CPEB2: variants seen among roughly 807,000 people sequenced by gnomAD.
CPEB2 encodes cytoplasmic polyadenylation element-binding protein 2.
A neutral mutation model predicts 93.6 loss-of-function variants in CPEB2; 56 were observed. That is an observed-to-expected ratio of 0.60 (90% confidence interval 0.48 to 0.75). The LOEUF is 0.75. Ranked by LOEUF, CPEB2 falls within the 30% of genes least tolerant of loss-of-function variation. CPEB2 has a pLI of 0.00. For missense variants in CPEB2, 1,579 were observed against 1,395.1 expected, an observed-to-expected ratio of 1.13 and a Z score of -2.10; for synonymous variants, 764 against 586.3, an observed-to-expected ratio of 1.30 and a Z score of -4.38.
chr4:15,038,348 A>G (rs1726835354), intron 5 of CPEB2, among the ~76,000 whole-genome samples: 1 of 152,210 alleles, frequency 6.6e-6, no homozygotes, highest in African/African-American at 2.4e-5. Flanking sequence ...TTGTGACATT[A>G]TGACATCATA....
Position 15,041,670 on chromosome 4 carries a change from T to G in CPEB2, c.2200+1183T>G, listed in dbSNP as rs995336964. ...TGCCCACCTCGGCCTCCCAAAGTGC[T>G]GGGATTACAGGCATGAGCCACCTAT... On this transcript the variant is annotated intron_variant, in intron 6 of 11. Transcript: ENST00000538197. 3.9e-5 allele frequency among the ~76,000 whole-genome samples: 6 copies of G among 152,192 alleles called. No homozygotes were observed. In the East Asian group the frequency reaches 1.2e-3, roughly 29 times the overall value.
At chr4:15,024,943 A>T (rs1443991839) in intron 4 of CPEB2, among the ~76,000 whole-genome samples, 1 of 151,750 alleles carries the variant, frequency 6.6e-6, no homozygotes, top group Non-Finnish European at 1.5e-5. Flanking sequence ...ACGGGGTTTC[A>T]CTGTGTTTGG....
At chr4:15,014,346 G>T (rs547046991) in intron 3 of CPEB2, among the ~76,000 whole-genome samples, 34 of 152,154 alleles carry the variant, frequency 2.2e-4, no homozygotes, top group African/African-American at 6.5e-4. Context: ...AGTATTTACA[G>T]TATACTCTTA....
chr4:15,029,328 T>A (rs1028740377), intron 4 of CPEB2, among the ~76,000 whole-genome samples: 7 of 152,116 alleles, frequency 4.6e-5, no homozygotes, highest in African/African-American at 1.4e-4. Context: ...GAGGGCCGAC[T>A]GTATATGTTA....
chr4:15,003,302 C>T lies in CPEB2; in HGVS notation c.629C>T (p.Pro210Leu), dbSNP rs946409655. 3.6e-4 allele frequency: 506 copies of T among 1,398,710 alleles called. No individual in the cohort carries two copies. The highest frequency in any genetic ancestry group is 6.8e-4 in the Admixed American group (21 of 30,674). The allele number at this position is 1,398,710 out of a possible 1,614,324, so 86.6% of individuals were successfully genotyped here. The change falls in exon 1 of 12, where the codon CCG (proline) becomes CTG (leucine). Residue 210 changes from proline to leucine, a missense_variant. Pro to Leu is a moderately conservative substitution (Grantham distance 98, BLOSUM62 -3). This residue lies in a region of CPEB2 where 1,411 missense variants were observed against 1,056.0 expected (regional missense o/e 1.34). Transcript: ENST00000538197. ...PPLHCPGRFS[P>L]PPPPAGPLLQ... ...CTCCACTGCCCCGGTCGGTTCAGCC[C>T]GCCGCCGCCGCCAGCCGGCCCGCTC...
chr4:15,004,715 C>A lies in CPEB2; in HGVS notation c.1662+380C>A, dbSNP rs1407831327. ...AACCCGGCCCTCCTAGCTGGCGCAC[C>A]CCGGGATCCGCCCTGTGCCCTGGGC... On this transcript the variant is annotated intron_variant, in intron 1 of 11. Coordinates refer to ENST00000538197, the MANE Select transcript of CPEB2 (RefSeq NM_001177382.2). 2.0e-5 allele frequency among the ~76,000 whole-genome samples: 3 copies of A among 151,862 alleles called. No homozygotes were observed. In the East Asian group the frequency reaches 5.8e-4, roughly 30 times the overall value.
intron 5 of CPEB2, among the ~76,000 whole-genome samples, chr4:15,037,361 G>T (rs1197141054): frequency 6.6e-6 from 1 of 151,614 alleles, no homozygotes; most frequent in African/African-American, 2.4e-5. Context: ...CTTAGTTTTG[G>T]CTTTTTCACA....
intron 5 of CPEB2, among the ~76,000 whole-genome samples, chr4:15,036,339 C>A (rs2109037944): frequency 6.6e-6 from 1 of 152,240 alleles, no homozygotes; most frequent in Non-Finnish European, 1.5e-5. Context: ...GAGACTGTCA[C>A]TATTGAAGAA....
chr4:15,065,416 G>A (rs1216898918), intron 11 of CPEB2, among the ~76,000 whole-genome samples: 1 of 152,080 alleles, frequency 6.6e-6, no homozygotes, highest in Non-Finnish European at 1.5e-5. Flanking sequence ...AAGCAGGAAA[G>A]CAAGGCTATT....
At chr4:15,050,056 G>A (rs1048688898) in intron 6 of CPEB2, among the ~76,000 whole-genome samples, 9 of 152,236 alleles carry the variant, frequency 5.9e-5, no homozygotes, top group Admixed American at 1.3e-4. Context: ...GGTCCGGTCC[G>A]TGGCCTGTTT....
intron 6 of CPEB2, 26 bp from the exon 7 acceptor site, chr4:15,052,388 C>G (rs763010920): frequency 7.3e-7 from 1 of 1,371,304 alleles, no homozygotes; most frequent in African/African-American, 1.5e-5. Context: ...ATCTGAGATT[C>G]AAGTTGTATT....
intron 9 of CPEB2, among the ~76,000 whole-genome samples, chr4:15,058,891 G>A (rs974565974): frequency 2.0e-5 from 3 of 152,140 alleles, no homozygotes; most frequent in Non-Finnish European, 2.9e-5. Flanking sequence ...TGTTCTTTAT[G>A]AGAATCTAAT....
intron 3 of CPEB2, among the ~76,000 whole-genome samples, chr4:15,014,199 T>G (rs773593253): frequency 1.3e-5 from 2 of 152,058 alleles, no homozygotes; most frequent in Non-Finnish European, 2.9e-5. Flanking sequence ...ATTTAATAGT[T>G]ACCATTAATT....
chr4:15,014,623 C>T (rs1723883481), intron 3 of CPEB2, among the ~76,000 whole-genome samples: 1 of 151,948 alleles, frequency 6.6e-6, no homozygotes, highest in African/African-American at 2.4e-5. Context: ...AGTCCTTTAC[C>T]ATTACTATTT....
rs769116648 is a variant in CPEB2, at chr4:15,033,164, G to A, written c.2129G>A (p.Arg710Gln). The A allele has an allele frequency of 4.4e-6, 7 of 1,601,982 alleles. No homozygotes were observed. The Admixed American group carries it at 6.7e-5, about 15-fold the overall frequency. Residue 710 changes from arginine (R) to glutamine (Q), a missense_variant, in exon 5 of 12, where the codon CGA becomes CAA. Arg to Gln is a conservative substitution (Grantham distance 43). Transcript: ENST00000538197. ...CACCTTTCCTGTCTTTTTAAAGGTC[G>A]ATTGAGCTATCCACATCCAGGAACT... is the stretch of plus-strand genomic sequence containing the variant. ...MRAEHDPLKG[R>Q]LSYPHPGTDN...
chr4:15,058,360 TGA>T, intron 8 of CPEB2, 59 bp from the exon 9 acceptor site: 1 of 910,306 alleles, frequency 1.1e-6, no homozygotes, highest in Non-Finnish European at 1.8e-6. Context: ...TAAATAGTAC[TGA>T]AATTTGGAGT....
chr4:15,003,986 T>C lies in CPEB2; in HGVS notation c.1313T>C (p.Met438Thr). 6.8e-7 allele frequency: 1 copy of C among 1,477,602 alleles called. No homozygotes were observed. Among genetic ancestry groups the C allele is most frequent in the Non-Finnish European group, 9.0e-7 (1 of 1,112,684 alleles). The allele number at this position is 1,477,602 out of a possible 1,614,324, so 91.5% of individuals were successfully genotyped here. ...GGCAGCGGCGGCTCGCTCAGCGCCA[T>C]GCCGCCGCCCAGCCCCGACTCAGAG... ...GGGSGGSLSA[M>T]PPPSPDSENG... The change falls in exon 1 of 12, where the codon ATG becomes ACG. Residue 438 changes from methionine (M) to threonine (T), a missense_variant. Transcript: ENST00000538197.
Position 15,003,362 on chromosome 4 carries a change from A to C in CPEB2, c.689A>C (p.Gln230Pro), listed in dbSNP as rs890625895. Residue 230 changes from glutamine to proline, a missense_variant, in exon 1 of 12, where the codon CAA (glutamine) becomes CCA (proline). Around this residue, in one of 2 missense-constraint regions of CPEB2, gnomAD observed 1,411 missense variants for 1,056.0 expected, o/e 1.34. Transcript: ENST00000538197. ...GCGCAGCTCGCTCAGCGCCAGCAGC[A>C]ACAGCCGCCGCAGCAGTTCAGCCTC... ...QPAQLAQRQQ[Q>P]QPPQQFSLLH... The C allele has an allele frequency of 3.6e-6, 5 of 1,386,800 alleles. No individual in the cohort carries two copies. Among genetic ancestry groups the C allele is most frequent in the Non-Finnish European group, 4.6e-6 (5 of 1,083,444 alleles). The allele number at this position is 1,386,800 out of a possible 1,614,324, so 85.9% of individuals were successfully genotyped here.
At position 15,054,125 on chromosome 4, in the gene CPEB2, A is replaced by C; in HGVS notation, c.2372-3A>C. On this transcript the variant is annotated splice_polypyrimidine_tract_variant and splice_region_variant and intron_variant, in intron 7 of 11. Transcript: ENST00000538197. ...CTAATGTGTATTATTGTACTTTCTT[A>C]AGATGAAATAACTGCTAGCTTCAGA... 1.9e-6 allele frequency: 3 copies of C among 1,601,026 alleles called. No homozygotes were observed. The highest frequency in any genetic ancestry group is 2.6e-6 in the Non-Finnish European group (3 of 1,171,174).
Sources: gnomAD v4.1 joint callset for allele counts (sites outside exome capture counted in the v4.1 genomes callset) on GRCh38, gnomAD v4.1.1 for gene constraint, gnomAD v4.1.1 regional missense constraint, MANE v1.5 for transcripts, NCBI Gene and HGNC (gene_info 2026-07-23, HGNC 2026-07-21) for gene names.